CAMK1D: variants seen among roughly 807,000 people sequenced by gnomAD.
CAMK1D encodes the protein calcium/calmodulin-dependent protein kinase type 1D.
CAMK1D carries 9 observed loss-of-function variants against 47.7 expected under a neutral mutation model. The ratio of observed to expected loss-of-function variants is 0.19; its 90% CI spans 0.11 to 0.33. The LOEUF (loss-of-function observed/expected upper bound fraction) is 0.33, where lower values mean the gene tolerates loss of function less well. CAMK1D is among the 10% of genes least tolerant of loss of function. The pLI, the probability that CAMK1D is intolerant of heterozygous loss-of-function variation, is 1.00. For synonymous variants in CAMK1D, 184 were observed against 184.9 expected (o/e 0.99, Z 0.04); for missense variants, 291 against 488.7 (o/e 0.60, Z 3.81).
In CAMK1D at chr10:12,832,259, C is replaced by G. The variant is rs959600934; in HGVS notation, c.*3372C>G. The G allele has an allele frequency of 2.6e-5, 4 of 152,282 alleles. No homozygotes were observed. Among genetic ancestry groups the G allele is most frequent in the African/African-American group, 9.6e-5 (4 of 41,464 alleles). The allele number at this position is 152,282 out of a possible 1,614,324, so 9.4% of individuals were successfully genotyped here. A position where few individuals can be genotyped will look rare whatever the true frequency, so the allele number is the denominator to read the frequency against. ...CATTGAGACAAACAGTGAGCGGGCA[C>G]CAACAGGCCAGCAGCTTGGCCCTTT... On this transcript the variant is annotated 3_prime_UTR_variant, in exon 11 of 11. Coordinates refer to ENST00000619168, the MANE Select transcript of CAMK1D (RefSeq NM_153498.4).
intron 2 of CAMK1D, among the ~76,000 whole-genome samples, chr10:12,570,285 G>T (rs375641702): frequency 6.6e-6 from 1 of 152,080 alleles, no homozygotes; most frequent in Non-Finnish European, 1.5e-5. Flanking sequence ...ATCCAAGAGC[G>T]CTTAAACCTG....
At chr10:12,715,681 T>C (rs1392742941) in intron 3 of CAMK1D, among the ~76,000 whole-genome samples, 1 of 151,750 alleles carries the variant, frequency 6.6e-6, no homozygotes, top group Non-Finnish European at 1.5e-5. Context: ...CACAATCAGA[T>C]TATACTTGGA....
At chr10:12,503,950 T>C (rs1442441597) in intron 1 of CAMK1D, among the ~76,000 whole-genome samples, 1 of 152,188 alleles carries the variant, frequency 6.6e-6, no homozygotes, top group Non-Finnish European at 1.5e-5. Context: ...GGGCCTCAGC[T>C]GGATTTCATG....
At chr10:12,813,602 A>G (rs963025806) in intron 6 of CAMK1D, among the ~76,000 whole-genome samples, 3 of 152,144 alleles carry the variant, frequency 2.0e-5, no homozygotes, top group Non-Finnish European at 2.9e-5. Flanking sequence ...GGGGACTTCA[A>G]TAGTTATTTA....
intron 1 of CAMK1D, among the ~76,000 whole-genome samples, chr10:12,408,723 A>G (rs984734928): frequency 2.0e-5 from 3 of 152,008 alleles, no homozygotes; most frequent in Non-Finnish European, 1.5e-5. Context: ...CTCCTCTTGG[A>G]TGCTGCAAAC....
At chr10:12,784,951 C>G (rs1422546418) in intron 5 of CAMK1D, among the ~76,000 whole-genome samples, 1 of 152,178 alleles carries the variant, frequency 6.6e-6, no homozygotes, top group Non-Finnish European at 1.5e-5. Context: ...GGGATTTATG[C>G]AGCAGTAAAG....
rs372891900 is a variant in CAMK1D at position 12,555,632 on chromosome 10, G to A, written c.224+2276G>A. On this transcript the variant is annotated intron_variant, in intron 2 of 10. Transcript: ENST00000619168. Reference sequence around the variant, plus strand: ...CAATGTGAAATCAGTACTTGGAGAAGAAGTTATTTGCTGGTGACATTAAGT... The same window carrying A: ...CAATGTGAAATCAGTACTTGGAGAAAAAGTTATTTGCTGGTGACATTAAGT... Among the ~76,000 whole-genome samples, 40 of 152,346 alleles carry A rather than the reference G, an allele frequency of 2.6e-4. 1 individual carries two copies. In the East Asian group the frequency reaches 2.7e-3, roughly 10 times the overall value.
intron 2 of CAMK1D, among the ~76,000 whole-genome samples, chr10:12,559,073 T>G (rs979302810): frequency 1.3e-5 from 2 of 152,008 alleles, no homozygotes; most frequent in Non-Finnish European, 1.5e-5. Context: ...TTTGGGAGGC[T>G]GAGGCAGGAG....
chr10:12,721,736 G>A (rs925168082), intron 3 of CAMK1D, among the ~76,000 whole-genome samples: 5 of 152,162 alleles, frequency 3.3e-5, no homozygotes, highest in African/African-American at 1.2e-4. Context: ...TAGTCATTAG[G>A]CCACATGGCT....
In CAMK1D at chr10:12,830,964, C is replaced by A. The variant is rs2431622; in HGVS notation, c.*2077C>A. 3,686 of 89,796 alleles carry A rather than the reference C, an allele frequency of 0.041. 119 individuals carry two copies. Among genetic ancestry groups the A allele is most frequent in the African/African-American group, 0.11 (2,701 of 25,396 alleles). The allele number at this position is 89,796 out of a possible 1,614,324, so 5.6% of individuals were successfully genotyped here. Reference sequence around the variant, plus strand: ...ACACACACACACACACACACACACACAATGTTATTAGGCACAGCAGCTCCA... The same window carrying A: ...ACACACACACACACACACACACACAAAATGTTATTAGGCACAGCAGCTCCA... On this transcript the variant is annotated 3_prime_UTR_variant, in exon 11 of 11. Coordinates refer to ENST00000619168, the MANE Select transcript of CAMK1D (RefSeq NM_153498.4).
At chr10:12,630,557 A>G (rs1332322736) in intron 2 of CAMK1D, among the ~76,000 whole-genome samples, 9 of 151,212 alleles carry the variant, frequency 6.0e-5, no homozygotes, top group Middle Eastern at 6.8e-3. Flanking sequence ...ATTTTATTTT[A>G]TTTTGTTTTG....
chr10:12,793,144 G>T (rs533175170), intron 6 of CAMK1D, among the ~76,000 whole-genome samples: 3 of 152,084 alleles, frequency 2.0e-5, no homozygotes, highest in African/African-American at 7.2e-5. Flanking sequence ...ACTATGGAAG[G>T]CTTAAGGAAA....
At chr10:12,494,591 G>A (rs955525311) in intron 1 of CAMK1D, among the ~76,000 whole-genome samples, 2 of 132,868 alleles carry the variant, frequency 1.5e-5, no homozygotes, top group Non-Finnish European at 3.2e-5. Flanking sequence ...TCGAGACAGA[G>A]TCTCACTTTG....
At chr10:12,603,108 G>A (rs567829728) in intron 2 of CAMK1D, among the ~76,000 whole-genome samples, 24 of 151,884 alleles carry the variant, frequency 1.6e-4, no homozygotes, top group African/African-American at 4.8e-4. Context: ...ATGGGGTTTC[G>A]CCATGTTGGC....
intron 1 of CAMK1D, among the ~76,000 whole-genome samples, chr10:12,530,279 G>A (rs1440392835): frequency 6.6e-6 from 1 of 152,246 alleles, no homozygotes; most frequent in East Asian, 1.9e-4. Flanking sequence ...GGGGCCCTAG[G>A]CAGGCTGAAC....
Position 12,514,400 on chromosome 10 carries a change from C to T in CAMK1D, c.93-38825C>T, listed in dbSNP as rs1294823694. Among the ~76,000 whole-genome samples, 3 of 152,312 alleles carry T rather than the reference C, an allele frequency of 2.0e-5. No individual in the cohort carries two copies. The East Asian group carries it at 5.8e-4, about 29-fold the overall frequency. Reference sequence around the variant, plus strand: ...TTTCTAAGGTAGCACAGAGCACTTACCACCACAATGATGAAAAGAATAATG... The same window carrying T: ...TTTCTAAGGTAGCACAGAGCACTTATCACCACAATGATGAAAAGAATAATG... On this transcript the variant is annotated intron_variant, in intron 1 of 10. Coordinates refer to ENST00000619168, the MANE Select transcript of CAMK1D (RefSeq NM_153498.4).
chr10:12,553,099 G>A lies in CAMK1D; in HGVS notation c.93-126G>A, dbSNP rs980089086. On this transcript the variant is annotated intron_variant, in intron 1 of 10. Transcript: ENST00000619168. ...TAGCAAGGAGCCACGGTGGATAAAA[G>A]TAACAGTAATGCTTACAACTGTGCC... The A allele has an allele frequency of 2.1e-5, 32 of 1,529,288 alleles. No homozygotes were observed. In the African/African-American group the frequency reaches 4.2e-4, roughly 20 times the overall value. 94.7% of individuals were successfully genotyped at this position (1,529,288 alleles called of 1,614,324 possible).
At chr10:12,805,013 C>A (rs1035965757) in intron 6 of CAMK1D, among the ~76,000 whole-genome samples, 1 of 150,414 alleles carries the variant, frequency 6.6e-6, no homozygotes, top group African/African-American at 2.4e-5. Context: ...ATAATCCCAG[C>A]ACTTTGGGAG....
At chr10:12,490,502 A>C (rs1473762790) in intron 1 of CAMK1D, among the ~76,000 whole-genome samples, 1 of 152,184 alleles carries the variant, frequency 6.6e-6, no homozygotes, top group Non-Finnish European at 1.5e-5. Flanking sequence ...TTACTTTCTT[A>C]AAGTGATAGA....
Sources: gnomAD v4.1 joint callset for allele counts (sites outside exome capture counted in the v4.1 genomes callset) on GRCh38, gnomAD v4.1.1 for gene constraint, MANE v1.5 for transcripts, NCBI Gene and HGNC (gene_info 2026-07-23, HGNC 2026-07-21) for gene names.